The following AKAP6 variants were observed in gnomAD, a reference collection of about 807,000 sequenced individuals.
AKAP6 encodes the protein A-kinase anchor protein 6.
Under a neutral mutation model 188.5 loss-of-function variants are expected in AKAP6, and 58 were observed. The observed-to-expected ratio is 0.31, with a 90% CI of 0.25 to 0.38. The LOEUF (loss-of-function observed/expected upper bound fraction) is 0.38, where lower values mean the gene tolerates loss of function less well. AKAP6 is among the 10% of genes least tolerant of loss of function. The probability of loss-of-function intolerance (pLI) is 1.00; values close to 1 mark genes in which losing one functional copy is unlikely to be tolerated. For missense variants in AKAP6, 2,710 were observed against 2,740.0 expected (o/e 0.99, Z 0.24); for synonymous variants, 989 against 998.6 (o/e 0.99, Z 0.18).
At chr14:32,393,262 A>G (rs1282845721) in intron 1 of AKAP6, among the ~76,000 whole-genome samples, 1 of 152,198 alleles carries the variant, frequency 6.6e-6, no homozygotes, top group Non-Finnish European at 1.5e-5. Context: ...ATATCATTAA[A>G]TGACAGTCTT....
chr14:32,339,032 C>A (rs991611721), intron 1 of AKAP6, among the ~76,000 whole-genome samples: 3 of 152,074 alleles, frequency 2.0e-5, no homozygotes, highest in African/African-American at 7.2e-5. Context: ...AATTTCCTGT[C>A]TCTGCTTAAA....
chr14:32,550,590 G>A (rs1426828960), intron 4 of AKAP6, among the ~76,000 whole-genome samples: 1 of 152,158 alleles, frequency 6.6e-6, no homozygotes, highest in African/African-American at 2.4e-5. Context: ...CACCAGATGA[G>A]GGCAGCTGCC....
At chr14:32,620,006 G>A (rs1436579433) in intron 7 of AKAP6, among the ~76,000 whole-genome samples, 2 of 152,090 alleles carry the variant, frequency 1.3e-5, no homozygotes, top group East Asian at 1.9e-4. Context: ...GTATAGTGGT[G>A]CTACTCATTT....
chr14:32,611,517 G>T (rs976550738), intron 7 of AKAP6, among the ~76,000 whole-genome samples: 2 of 152,204 alleles, frequency 1.3e-5, no homozygotes, highest in African/African-American at 4.8e-5. Context: ...AGTCCAAATA[G>T]AAATAATAGC....
chr14:32,682,995 C>CTTTTTTTTTTTTTTTTTTTTTT (rs71115090), intron 8 of AKAP6, among the ~76,000 whole-genome samples: 2 of 142,256 alleles, frequency 1.4e-5, no homozygotes, highest in East Asian at 2.2e-4. Flanking sequence ...TTTTTTCTTC[C>CTTTTTTTTTTTTTTTTTTTTTT]TTTTTTTTTT....
At chr14:32,499,431 T>A (rs980167563) in intron 2 of AKAP6, among the ~76,000 whole-genome samples, 4 of 151,596 alleles carry the variant, frequency 2.6e-5, no homozygotes, top group Non-Finnish European at 2.9e-5. Flanking sequence ...GTGCCCAGCC[T>A]GGGCTGTCAT....
chr14:32,553,148 T>G (rs570608075), intron 4 of AKAP6, among the ~76,000 whole-genome samples: 1 of 150,096 alleles, frequency 6.7e-6, no homozygotes, highest in Admixed American at 6.6e-5. Flanking sequence ...TTTTTTCTTT[T>G]TCTTTTCTTT....
At chr14:32,706,937 G>A (rs1890836475) in intron 9 of AKAP6, among the ~76,000 whole-genome samples, 2 of 152,056 alleles carry the variant, frequency 1.3e-5, no homozygotes. Flanking sequence ...TCTCCAGAAG[G>A]ATAGCTATAC....
At chr14:32,511,186 GATT>G (rs1404410409) in intron 2 of AKAP6, among the ~76,000 whole-genome samples, 1 of 152,108 alleles carries the variant, frequency 6.6e-6, no homozygotes. Flanking sequence ...TTTTCTCTCT[GATT>G]ATTGAGTTCA....
At chr14:32,642,803 C>T (rs1887816416) in intron 7 of AKAP6, among the ~76,000 whole-genome samples, 1 of 152,058 alleles carries the variant, frequency 6.6e-6, no homozygotes, top group South Asian at 2.1e-4. Context: ...ATGTGTGATT[C>T]CCTATTAACA....
At chr14:32,626,609 G>A (rs975267163) in intron 7 of AKAP6, among the ~76,000 whole-genome samples, 21 of 151,980 alleles carry the variant, frequency 1.4e-4, no homozygotes, top group East Asian at 1.9e-4. Flanking sequence ...CTACTCAGCC[G>A]CAGGTCCAAG....
chr14:32,759,729 G>A (rs1429562109), intron 11 of AKAP6, among the ~76,000 whole-genome samples: 2 of 152,112 alleles, frequency 1.3e-5, no homozygotes, highest in African/African-American at 4.8e-5. Context: ...AAAAGCAAGA[G>A]CAAGCAAGGG....
chr14:32,744,464 C>T (rs1040843530), intron 11 of AKAP6, among the ~76,000 whole-genome samples: 1 of 151,890 alleles, frequency 6.6e-6, no homozygotes, highest in Non-Finnish European at 1.5e-5. Flanking sequence ...CTACAGGCAC[C>T]CGCCACCACA....
intron 2 of AKAP6, among the ~76,000 whole-genome samples, chr14:32,436,563 T>G (rs998207401): frequency 6.6e-6 from 1 of 152,182 alleles, no homozygotes; most frequent in Non-Finnish European, 1.5e-5. Context: ...TAGGCTACTT[T>G]TAGAACTTTC....
chr14:32,610,536 C>G (rs1357407854), intron 7 of AKAP6, among the ~76,000 whole-genome samples: 2 of 151,180 alleles, frequency 1.3e-5, no homozygotes, highest in Non-Finnish European at 2.9e-5. Flanking sequence ...CAGATGTGCA[C>G]AAATGTAGTT....
At chr14:32,466,743 A>C (rs1878464055) in intron 2 of AKAP6, among the ~76,000 whole-genome samples, 1 of 149,408 alleles carries the variant, frequency 6.7e-6, no homozygotes. Context: ...AAAGTTCAAA[A>C]AAAAAAAAAA....
intron 7 of AKAP6, among the ~76,000 whole-genome samples, chr14:32,618,894 T>G (rs1271629871): frequency 6.6e-6 from 1 of 152,136 alleles, no homozygotes; most frequent in East Asian, 1.9e-4. Context: ...CCATTCTGGC[T>G]GGGGTAAGGT....
chr14:32,554,319 G>A (rs1883603496), intron 4 of AKAP6, among the ~76,000 whole-genome samples: 1 of 152,238 alleles, frequency 6.6e-6, no homozygotes, highest in Non-Finnish European at 1.5e-5. Flanking sequence ...CTGCTCTTGA[G>A]TAAGGAAGAA....
At chr14:32,624,394 G>A (rs1348748815) in intron 7 of AKAP6, among the ~76,000 whole-genome samples, 1 of 152,144 alleles carries the variant, frequency 6.6e-6, no homozygotes, top group Non-Finnish European at 1.5e-5. Context: ...GAGTCAGCAT[G>A]GTTGATGGTT....
Sources: gnomAD v4.1 joint callset for allele counts (sites outside exome capture counted in the v4.1 genomes callset) on GRCh38, gnomAD v4.1.1 for gene constraint, MANE v1.5 for transcripts, NCBI Gene and HGNC (gene_info 2026-07-23, HGNC 2026-07-21) for gene names.